RRN3: variants seen among roughly 807,000 people sequenced by gnomAD.
RRN3 encodes RNA polymerase I-specific transcription initiation factor RRN3.
Under a neutral mutation model 82.3 loss-of-function variants are expected in RRN3, and 38 were observed. That is an observed-to-expected ratio of 0.46 (90% CI 0.36 to 0.61). RRN3 has a LOEUF of 0.61. Ranked by LOEUF, RRN3 falls within the 20% of genes least tolerant of loss-of-function variation. The pLI, the probability that RRN3 is intolerant of heterozygous loss-of-function variation, is 0.00. For synonymous variants in RRN3, 284 were observed against 284.3 expected (o/e 1.00, Z 0.01); for missense variants, 726 against 793.1 (o/e 0.92, Z 1.02).
intron 15 of RRN3, 67 bp downstream of exon 15, chr16:15,068,102 C>T: frequency 2.0e-6 from 3 of 1,501,444 alleles, no homozygotes; most frequent in Non-Finnish European, 2.7e-6. Context: ...AACACTCTTA[C>T]AATACTAGAT....
In RRN3 at chr16:15,072,849, G is replaced by T. The variant is rs1395483877; in HGVS notation, c.1128+101C>A. 1.8e-5 allele frequency: 22 copies of T among 1,203,812 alleles called. No individual in the cohort carries two copies. In the Admixed American group the frequency reaches 1.8e-4, roughly 10 times the overall value. The allele number at this position is 1,203,812 out of a possible 1,614,324, so 74.6% of individuals were successfully genotyped here. On this transcript the variant is annotated intron_variant, in intron 12 of 17. Coordinates refer to ENST00000198767, the MANE Select transcript of RRN3 (RefSeq NM_018427.5). ...GACTAGCAAGTAAGCTCAAAGAAAA[G>T]AATTATTTACTTCATGGTCTCCGTC...
intron 6 of RRN3, 29 bp downstream of exon 6, chr16:15,085,610 G>C (rs1374962472): frequency 6.2e-7 from 1 of 1,605,470 alleles, no homozygotes; most frequent in East Asian, 2.2e-5. Context: ...AAGCTACTGT[G>C]CCCAGGCTTT....
At chr16:15,062,950 C>A (rs2044772678) in intron 17 of RRN3, among the ~76,000 whole-genome samples, 1 of 152,154 alleles carries the variant, frequency 6.6e-6, no homozygotes, top group Non-Finnish European at 1.5e-5. Flanking sequence ...GCAGCCTTGA[C>A]CTCCCACCTC....
chr16:15,081,591 T>C (rs558890580), intron 8 of RRN3, among the ~76,000 whole-genome samples: 2 of 152,324 alleles, frequency 1.3e-5, no homozygotes, highest in Non-Finnish European at 2.9e-5. Context: ...TTACCAGACA[T>C]AAAATTTAGA....
At chr16:15,068,832 C>A (rs2045095859) in intron 14 of RRN3, among the ~76,000 whole-genome samples, 1 of 152,126 alleles carries the variant, frequency 6.6e-6, no homozygotes, top group South Asian at 2.1e-4. Context: ...TTCTTTTCTA[C>A]ATGAGTAAAA....
In RRN3 at chr16:15,094,140, C is replaced by A; in HGVS notation, c.89+5G>T. ...ATACGCAGAAGGAAGCGGCCTGAAT[C>A]TTACCCAGTCCTCGACGCGCCCAGC... On this transcript the variant is annotated splice_donor_5th_base_variant and intron_variant, in intron 1 of 17. Coordinates refer to ENST00000198767, the MANE Select transcript of RRN3 (RefSeq NM_018427.5). 10 of 1,593,278 alleles carry A rather than the reference C, an allele frequency of 6.3e-6. No homozygotes were observed. Among genetic ancestry groups the A allele is most frequent in the Non-Finnish European group, 8.5e-6 (10 of 1,169,622 alleles).
chr16:15,085,325 A>C (rs988418573), intron 6 of RRN3, among the ~76,000 whole-genome samples: 4 of 87,340 alleles, frequency 4.6e-5, no homozygotes, highest in African/African-American at 1.2e-4. Flanking sequence ...TCTGTGCTTT[A>C]CTTTTTTTTT....
At chr16:15,084,458 A>G (rs763294326) in intron 7 of RRN3, among the ~76,000 whole-genome samples, 184 bp downstream of exon 7, 11 of 122,284 alleles carry the variant, frequency 9.0e-5, no homozygotes, top group Admixed American at 4.2e-4. Context: ...AAAAACAATT[A>G]AAGAGAATAA....
rs141480657 is a variant in RRN3 at position 15,086,885 on chromosome 16, A to T, written c.253-431T>A. 1.2e-3 allele frequency among the ~76,000 whole-genome samples: 182 copies of T among 152,316 alleles called. 1 individual carries two copies. The highest frequency in any genetic ancestry group is 4.3e-3 in the African/African-American group (180 of 41,568). On this transcript the variant is annotated intron_variant, in intron 3 of 17. Coordinates refer to ENST00000198767, the MANE Select transcript of RRN3 (RefSeq NM_018427.5). ...GATAAAACTCAGTCGAGGCTGATCA[A>T]TTGGGGTCATGAATAAACATAACTT...
rs149452242 is a variant in RRN3, at chr16:15,074,774, T to G, written c.946A>C (p.Ile316Leu). 1 of 1,614,104 alleles carries G rather than the reference T, an allele frequency of 6.2e-7. No homozygotes were observed. Among genetic ancestry groups the G allele is most frequent in the South Asian group, 1.1e-5 (1 of 91,078 alleles). ...MVHPVAERLD[I>L]LMSLVLSYMK... Reference sequence around the variant, plus strand: ...TAGGACAAAACCAAAGACATCAGGATGTCCAGGCGCTCGGCTACAGGATGC... The same window carrying G: ...TAGGACAAAACCAAAGACATCAGGAGGTCCAGGCGCTCGGCTACAGGATGC... The change falls in exon 11 of 18, where the codon ATC (isoleucine) becomes CTC (leucine). Residue 316 changes from isoleucine (I) to leucine (L), a missense_variant. Around this residue, in one of 4 missense-constraint regions of RRN3, gnomAD observed 344 missense variants for 394.5 expected, o/e 0.87. Transcript: ENST00000198767.
At chr16:15,064,041 A>T (rs142148316) in intron 16 of RRN3, among the ~76,000 whole-genome samples, 20 of 152,354 alleles carry the variant, frequency 1.3e-4, no homozygotes, top group African/African-American at 4.8e-4. Flanking sequence ...AGACAATCCC[A>T]GATGGTCATG....
intron 12 of RRN3, among the ~76,000 whole-genome samples, 196 bp from the exon 13 acceptor site, chr16:15,071,447 G>A (rs1214177340): frequency 1.3e-5 from 2 of 152,166 alleles, no homozygotes; most frequent in African/African-American, 4.8e-5. Context: ...AAATAATCCA[G>A]TGGATCCCAA....
At chr16:15,085,504 G>C (rs2045880998) in intron 6 of RRN3, 135 bp downstream of exon 6, 3 of 1,114,802 alleles carry the variant, frequency 2.7e-6, no homozygotes, top group Non-Finnish European at 3.8e-6. Flanking sequence ...TTTTTGCAGA[G>C]ACAAGGTCTC....
intron 5 of RRN3, among the ~76,000 whole-genome samples, 199 bp downstream of exon 5, chr16:15,085,930 A>C (rs577985110): frequency 6.6e-6 from 1 of 152,308 alleles, no homozygotes; most frequent in South Asian, 2.1e-4. Context: ...CAATAAAGCA[A>C]ATAAATTCAT....
At chr16:15,085,047 C>T (rs1470102216) in intron 6 of RRN3, among the ~76,000 whole-genome samples, 4 of 151,998 alleles carry the variant, frequency 2.6e-5, no homozygotes, top group South Asian at 2.1e-4. Context: ...GCCTGGGCAA[C>T]AGAGCGAGAC....
At chr16:15,084,180 T>C (rs2045821625) in intron 7 of RRN3, among the ~76,000 whole-genome samples, 1 of 152,214 alleles carries the variant, frequency 6.6e-6, no homozygotes, top group Non-Finnish European at 1.5e-5. Flanking sequence ...ATGTATATTA[T>C]TTTTAAAAGA....
chr16:15,087,348 T>G (rs998311000), intron 3 of RRN3, among the ~76,000 whole-genome samples: 4 of 152,198 alleles, frequency 2.6e-5, no homozygotes, highest in African/African-American at 9.7e-5. Flanking sequence ...ATTCCCATTT[T>G]GCTGTTCAGG....
chr16:15,063,166 G>A lies in RRN3; in HGVS notation c.1794+30C>T, dbSNP rs376667625. The A allele has an allele frequency of 6.3e-5, 90 of 1,435,246 alleles. No individual in the cohort carries two copies. In the African/African-American group the frequency reaches 6.4e-4, roughly 10 times the overall value. 88.9% of individuals were successfully genotyped at this position (1,435,246 alleles called of 1,614,324 possible). A position where few individuals can be genotyped will look rare whatever the true frequency, so the allele number is the denominator to read the frequency against. On this transcript the variant is annotated intron_variant, in intron 17 of 17. Transcript: ENST00000198767. Reference sequence around the variant, plus strand: ...GACCTGGAACCAGAAAGGAGATTCCGAGAGTGTGCTCAATCAATCACAAAC... The same window carrying A: ...GACCTGGAACCAGAAAGGAGATTCCAAGAGTGTGCTCAATCAATCACAAAC...
chr16:15,079,516 G>A (rs1389654365), intron 9 of RRN3, among the ~76,000 whole-genome samples: 5 of 152,048 alleles, frequency 3.3e-5, no homozygotes, highest in Non-Finnish European at 5.9e-5. Flanking sequence ...CTCCAATCAT[G>A]AGAAGGAACT....
Sources: allele counts gnomAD v4.1 joint callset (sites outside exome capture counted in the v4.1 genomes callset), GRCh38; gene constraint gnomAD v4.1.1; regional missense constraint gnomAD v4.1.1; transcripts MANE v1.5; gene names NCBI Gene and HGNC (gene_info 2026-07-23, HGNC 2026-07-21).